POLR3E: variants seen among roughly 807,000 people sequenced by gnomAD.
The protein encoded by POLR3E is DNA-directed RNA polymerase III subunit RPC5.
Under a neutral mutation model 96.6 loss-of-function variants are expected in POLR3E, and 41 were observed. The observed-to-expected ratio is 0.42, with a 90% CI of 0.33 to 0.55. The LOEUF is 0.55. Ranked by LOEUF, POLR3E falls within the 20% of genes least tolerant of loss-of-function variation. The probability of loss-of-function intolerance (pLI) is 0.06; values close to 1 mark genes in which losing one functional copy is unlikely to be tolerated. For missense variants in POLR3E, 849 were observed against 952.1 expected (o/e 0.89, Z 1.43); for synonymous variants, 396 against 383.6 (o/e 1.03, Z -0.38).
chr16:22,305,617 G>A (rs528047275), intron 3 of POLR3E: 122 of 377,362 alleles, frequency 3.2e-4, no homozygotes, highest in African/African-American at 2.3e-3. Context: ...TTAGGATGCC[G>A]CCTGGCAGAG....
intron 6 of POLR3E, chr16:22,310,119 C>T (rs970170631): frequency 1.2e-4 from 19 of 154,956 alleles, no homozygotes; most frequent in African/African-American, 3.6e-4. Flanking sequence ...CGCAGCTACG[C>T]GCTGTGTGAT....
chr16:22,320,012 A>G lies in POLR3E; in HGVS notation c.986+1066A>G, dbSNP rs77665170. On this transcript the variant is annotated intron_variant, in intron 13 of 20. Coordinates refer to ENST00000299853, the MANE Select transcript of POLR3E (RefSeq NM_018119.4). ...TTTTTCCTGCTAACTTGGAAGTTACACTGTTTGGGCTCATATATTGATTAC... is the reference window on the plus strand; with the variant it reads ...TTTTTCCTGCTAACTTGGAAGTTACGCTGTTTGGGCTCATATATTGATTAC... Among the ~76,000 whole-genome samples, 498 of 152,236 alleles carry G rather than the reference A, an allele frequency of 3.3e-3. 1 individual carries two copies. The highest frequency in any genetic ancestry group is 4.8e-3 in the Admixed American group (73 of 15,286).
At chr16:22,330,226 G>A (rs2141823286) in intron 19 of POLR3E, among the ~76,000 whole-genome samples, 1 of 152,042 alleles carries the variant, frequency 6.6e-6, no homozygotes, top group Middle Eastern at 3.4e-3. Flanking sequence ...GCCTCACCCA[G>A]CTAATTTTTG....
intron 19 of POLR3E, 139 bp downstream of exon 19, chr16:22,328,726 T>C (rs987474593): frequency 2.8e-6 from 2 of 706,228 alleles, no homozygotes; most frequent in Middle Eastern, 2.4e-4. Context: ...AATATCCTGC[T>C]CCAACTCTGT....
rs879241537 is a variant in POLR3E at position 22,313,983 on chromosome 16, C to T, written c.473-96C>T. ...CAGCTCCCTCTGCGAGGAGAACTCC[C>T]AGCACCCCGGCCTGAGGCTTCCCTG... is the stretch of plus-strand genomic sequence containing the variant. On this transcript the variant is annotated intron_variant, in intron 7 of 20. Transcript: ENST00000299853. The surrounding 1 kb of genome is among the most constrained non-coding windows in gnomAD (Gnocchi z 4.1). 1.8e-5 allele frequency: 20 copies of T among 1,113,490 alleles called. No homozygotes were observed. In the South Asian group the frequency reaches 1.9e-4, roughly 11 times the overall value. 69.0% of individuals were successfully genotyped at this position (1,113,490 alleles called of 1,614,324 possible).
chr16:22,327,967 G>C (rs908633241), intron 18 of POLR3E: 2 of 153,902 alleles, frequency 1.3e-5, no homozygotes, highest in Admixed American at 6.5e-5. Context: ...ACCCAGGCCT[G>C]TGTCACACTT....
rs781261675 is a variant in POLR3E, at chr16:22,322,800, GA to G, written c.987-49del. 3 of 1,329,158 alleles carry G rather than the reference GA, an allele frequency of 2.3e-6. No homozygotes were observed. Among genetic ancestry groups the G allele is most frequent in the Non-Finnish European group, 2.2e-6 (2 of 925,644 alleles). 82.3% of individuals were successfully genotyped at this position (1,329,158 alleles called of 1,614,324 possible). A position where few individuals can be genotyped will look rare whatever the true frequency, so the allele number is the denominator to read the frequency against. ...GGCTTGGCCGGGAGGGGTAGCGGTAGAGGGGGCTCAGGGCAGGGACTGACCT... is the reference window on the plus strand; with the variant it reads ...GGCTTGGCCGGGAGGGGTAGCGGTAGGGGGGCTCAGGGCAGGGACTGACCT... On this transcript the variant is annotated intron_variant, in intron 13 of 20. Coordinates refer to ENST00000299853, the MANE Select transcript of POLR3E (RefSeq NM_018119.4). This position sits in a 1 kb window ranked among gnomAD's most constrained non-coding sequence, Gnocchi z 5.2.
chr16:22,304,316 G>C (rs1222111752), intron 2 of POLR3E, among the ~76,000 whole-genome samples: 1 of 152,184 alleles, frequency 6.6e-6, no homozygotes, highest in East Asian at 1.9e-4. Flanking sequence ...GTTTTTCCTT[G>C]CTTGGGGGAT....
chr16:22,308,328 G>A lies in POLR3E; in HGVS notation c.165+103G>A, dbSNP rs1468440406. 3.3e-6 allele frequency: 3 copies of A among 897,694 alleles called. No individual in the cohort carries two copies. In the African/African-American group the frequency reaches 4.9e-5, roughly 15 times the overall value. The allele number at this position is 897,694 out of a possible 1,614,324, so 55.6% of individuals were successfully genotyped here. On this transcript the variant is annotated intron_variant, in intron 4 of 20. Transcript: ENST00000299853. ...AGAGAAGGAGTCATTGGAGAAGTAG[G>A]AGAACCAGCAACTCCCAGGCCCTTG... is the stretch of plus-strand genomic sequence containing the variant.
chr16:22,305,469 A>C lies in POLR3E; in HGVS notation c.87+263A>C, dbSNP rs780702249. The C allele has an allele frequency of 1.5e-5, 10 of 675,272 alleles. 2 individuals carry two copies. In the South Asian group the frequency reaches 1.5e-4, roughly 10 times the overall value. 41.8% of individuals were successfully genotyped at this position (675,272 alleles called of 1,614,324 possible). A position where few individuals can be genotyped will look rare whatever the true frequency, so the allele number is the denominator to read the frequency against. On this transcript the variant is annotated intron_variant, in intron 3 of 20. Coordinates refer to ENST00000299853, the MANE Select transcript of POLR3E (RefSeq NM_018119.4). ...TCAGACCGGATTGAGATCCAACTCC[A>C]TCACACCATAGCTGCGAGACCGTGG...
chr16:22,308,999 C>A lies in POLR3E; in HGVS notation c.240C>A (p.Asn80Lys). The change falls in exon 5 of 21, where the codon AAC (asparagine) becomes AAA (lysine). Residue 80 changes from asparagine (N) to lysine (K), a missense_variant. By Grantham distance (94) the Asn-to-Lys change is moderately conservative. Transcript: ENST00000299853. ...CRSKGEQIAL[N>K]VDGACADETS... ...GCAAAGGGGAGCAGATTGCGCTGAA[C>A]GTGGACGGGGCCTGCGCCGACGAGA... is the stretch of plus-strand genomic sequence containing the variant. 1 of 1,613,966 alleles carries A rather than the reference C, an allele frequency of 6.2e-7. No individual in the cohort carries two copies.
In POLR3E at chr16:22,314,137, T is replaced by C. The variant is rs780694567; in HGVS notation, c.522+9T>C. On this transcript the variant is annotated intron_variant, in intron 8 of 20. Coordinates refer to ENST00000299853, the MANE Select transcript of POLR3E (RefSeq NM_018119.4). ...ATGTTAAGCAGATCACGGTGAGCCC[T>C]GGCCCCTGGAGGAGGAGGGTGCTGC... 1.1e-4 allele frequency: 176 copies of C among 1,612,942 alleles called. No homozygotes were observed. Among genetic ancestry groups the C allele is most frequent in the Non-Finnish European group, 1.5e-4 (171 of 1,179,192 alleles).
intron 19 of POLR3E, 102 bp from the exon 20 acceptor site, chr16:22,331,958 G>C (rs2048749870): frequency 5.0e-6 from 6 of 1,190,672 alleles, no homozygotes; most frequent in Non-Finnish European, 7.2e-6. Context: ...TTTTATCAGA[G>C]ACTGCAACAC....
intron 12 of POLR3E, among the ~76,000 whole-genome samples, chr16:22,317,624 C>T (rs554977363): frequency 3.3e-4 from 50 of 150,848 alleles, no homozygotes; most frequent in Non-Finnish European, 4.0e-4. Context: ...CAGGCGAACA[C>T]GGACTAGGGG....
At chr16:22,326,779 C>T (rs2048604374) in intron 18 of POLR3E, 1 of 178,556 alleles carries the variant, frequency 5.6e-6, no homozygotes, top group East Asian at 1.6e-4. Flanking sequence ...AGTTTTGAAT[C>T]CTTTCTGCTC....
intron 20 of POLR3E, among the ~76,000 whole-genome samples, 192 bp from the exon 21 acceptor site, chr16:22,333,452 C>CAA (rs1187205264): frequency 1.9e-5 from 2 of 102,922 alleles, no homozygotes; most frequent in African/African-American, 7.0e-5. Context: ...AACTCTGTTT[C>CAA]AAAAAAAAAA....
intron 1 of POLR3E, chr16:22,299,026 A>C (rs1349769023): frequency 2.2e-6 from 1 of 456,122 alleles, no homozygotes; most frequent in Non-Finnish European, 4.4e-6. Flanking sequence ...ACACCTGAGC[A>C]AATAGACCAG....
chr16:22,326,314 T>TG (rs747051319), intron 18 of POLR3E, 36 bp downstream of exon 18: 4 of 210,374 alleles, frequency 1.9e-5, no homozygotes, highest in South Asian at 1.1e-4. Flanking sequence ...GCATGGGGGG[T>TG]GGGGGGTGGG....
chr16:22,324,598 C>A lies in POLR3E; in HGVS notation c.1224C>A (p.Phe408Leu). The change falls in exon 16 of 21, where the codon TTC (phenylalanine) becomes TTA (leucine). Residue 408 changes from phenylalanine to leucine, a missense_variant. Physicochemically the swap from Phe to Leu is conservative, Grantham distance 22 (BLOSUM62 0). Coordinates refer to ENST00000299853, the MANE Select transcript of POLR3E (RefSeq NM_018119.4). ...WEFILPYDGE[F>L]IKKHPDVVQR... is the part of the protein sequence containing the mutation. ...TCATTCTGCCTTATGATGGGGAGTTCATCAAGAAGCACCCGGATGTGGTCC... is the reference window on the plus strand; with the variant it reads ...TCATTCTGCCTTATGATGGGGAGTTAATCAAGAAGCACCCGGATGTGGTCC... 6.2e-7 allele frequency: 1 copy of A among 1,613,722 alleles called. No individual in the cohort carries two copies. Among genetic ancestry groups the A allele is most frequent in the Non-Finnish European group, 8.5e-7 (1 of 1,179,890 alleles).
Sources: gnomAD v4.1 joint callset for allele counts (sites outside exome capture counted in the v4.1 genomes callset) on GRCh38, gnomAD v4.1.1 for gene constraint, Gnocchi (gnomAD v3.1) non-coding constraint, MANE v1.5 for transcripts, NCBI Gene and HGNC (gene_info 2026-07-23, HGNC 2026-07-21) for gene names.